Variants in APP observed in about 807,000 individuals in gnomAD.
APP encodes amyloid beta precursor protein, also known as amyloid-beta precursor protein.
In APP, 31 loss-of-function variants were observed where a neutral mutation model predicts 101.4. The ratio of observed to expected loss-of-function variants is 0.31; its 90% CI spans 0.23 to 0.41. The LOEUF (loss-of-function observed/expected upper bound fraction) is 0.41. APP is among the 10% of genes least tolerant of loss of function. The pLI, the probability that APP is intolerant of heterozygous loss-of-function variation, is 1.00. For synonymous variants in APP, 366 were observed against 364.4 expected, an observed-to-expected ratio of 1.00 and a Z score of -0.05; for missense variants, 839 against 1,003.7, an observed-to-expected ratio of 0.84 and a Z score of 2.22.
At chr21:26,114,459 C>T (rs1027679961) in intron 1 of APP, among the ~76,000 whole-genome samples, 4 of 152,142 alleles carry the variant, frequency 2.6e-5, no homozygotes, top group East Asian at 1.9e-4. Flanking sequence ...AAAGATGCTG[C>T]AACTCTTTTA....
intron 1 of APP, among the ~76,000 whole-genome samples, chr21:26,126,164 AG>A (rs2062679424): frequency 6.6e-6 from 1 of 152,244 alleles, no homozygotes; most frequent in Non-Finnish European, 1.5e-5. Context: ...AACTAAGAGA[AG>A]AACACAACTG....
intron 11 of APP, among the ~76,000 whole-genome samples, chr21:25,964,601 CTTTTCTTTTTT>C (rs2041714283): frequency 1.5e-5 from 2 of 132,430 alleles, no homozygotes; most frequent in African/African-American, 5.5e-5. Flanking sequence ...GACCTTTTTT[CTTTTCTTTTTT>C]TTTTTTTTTT....
chr21:25,994,132 G>C (rs74312634), intron 8 of APP, among the ~76,000 whole-genome samples: 1 of 151,908 alleles, frequency 6.6e-6, no homozygotes, highest in Admixed American at 6.5e-5. Context: ...GACAGCACCA[G>C]AAAAAATGGT....
intron 1 of APP, 35 bp downstream of exon 1, chr21:26,170,529 C>A: frequency 6.5e-7 from 1 of 1,534,704 alleles, no homozygotes; most frequent in Non-Finnish European, 8.7e-7. Context: ...CCCCACCGTG[C>A]AGCCTCCCCC....
chr21:26,108,973 A>G (rs916240857), intron 2 of APP, among the ~76,000 whole-genome samples: 1 of 152,226 alleles, frequency 6.6e-6, no homozygotes, highest in Non-Finnish European at 1.5e-5. Context: ...GCCCAAATCC[A>G]TTAAAATGGC....
chr21:25,973,964 A>AG (rs2042132461), intron 11 of APP, among the ~76,000 whole-genome samples: 1 of 149,910 alleles, frequency 6.7e-6, no homozygotes, highest in South Asian at 2.1e-4. Flanking sequence ...AAAAAAAAAA[A>AG]GAACAAGTGG....
At chr21:26,037,913 C>T (rs2045193501) in intron 5 of APP, among the ~76,000 whole-genome samples, 1 of 152,130 alleles carries the variant, frequency 6.6e-6, no homozygotes, top group Admixed American at 6.5e-5. Context: ...TATATCTTCT[C>T]TTACTTATTA....
rs143910533 is a variant in APP, at chr21:25,931,157, T to C, written c.1688-19195A>G. ...GAAGAAAAGATGGGCATAAAAATAA[T>C]TACTATTACAAGTGTTATGGTAGGG... On this transcript the variant is annotated intron_variant, in intron 13 of 17. Coordinates refer to ENST00000346798, the MANE Select transcript of APP (RefSeq NM_000484.4). Among the ~76,000 whole-genome samples the C allele has an allele frequency of 1.6e-3, 241 of 152,286 alleles. 1 individual carries two copies. Among genetic ancestry groups the C allele is most frequent in the African/African-American group, 5.6e-3 (231 of 41,548 alleles).
At chr21:26,132,049 G>A (rs2062808131) in intron 1 of APP, among the ~76,000 whole-genome samples, 2 of 151,736 alleles carry the variant, frequency 1.3e-5, no homozygotes, top group Non-Finnish European at 2.9e-5. Context: ...GGTTAATTTT[G>A]TAAACAGAGT....
At chr21:25,958,569 C>A (rs546847147) in intron 11 of APP, among the ~76,000 whole-genome samples, 3,078 of 95,786 alleles carry the variant, frequency 0.032, 116 homozygotes, top group African/African-American at 0.11. Flanking sequence ...GCGACCAGTG[C>A]ACGGCCAATT....
At chr21:26,015,423 T>G (rs1325553637) in intron 6 of APP, among the ~76,000 whole-genome samples, 1 of 152,192 alleles carries the variant, frequency 6.6e-6, no homozygotes, top group African/African-American at 2.4e-5. Flanking sequence ...AAAGAAGCAA[T>G]GAGGATTCAA....
rs1366532042 is a variant in APP at position 25,978,248 on chromosome 21, C to A, written c.1225-2220G>T. 3.3e-5 allele frequency among the ~76,000 whole-genome samples: 5 copies of A among 152,332 alleles called. No homozygotes were observed. In the East Asian group the frequency reaches 7.7e-4, roughly 23 times the overall value. ...CAAATAAACAAATCACCTGCACCAT[C>A]CCACTAAGACTCTACTGCAAATGAA... On this transcript the variant is annotated intron_variant, in intron 9 of 17. Coordinates refer to ENST00000346798, the MANE Select transcript of APP (RefSeq NM_000484.4).
At chr21:26,169,596 G>A (rs2063694811) in intron 1 of APP, among the ~76,000 whole-genome samples, 1 of 152,264 alleles carries the variant, frequency 6.6e-6, no homozygotes, top group Admixed American at 6.5e-5. Flanking sequence ...CCGAGGGTGG[G>A]AAGCAGAGGG....
chr21:26,149,514 A>T (rs1246271122), intron 1 of APP, among the ~76,000 whole-genome samples: 1 of 152,272 alleles, frequency 6.6e-6, no homozygotes, highest in East Asian at 1.9e-4. Flanking sequence ...AATAAATCAC[A>T]AACAATATGG....
chr21:26,162,604 C>G (rs1360855636), intron 1 of APP, among the ~76,000 whole-genome samples: 1 of 151,992 alleles, frequency 6.6e-6, no homozygotes, highest in Non-Finnish European at 1.5e-5. Context: ...TTAAACCTCT[C>G]ATTTTTCTTC....
In APP at chr21:26,136,914, TGA is replaced by T. The variant is rs543078601; in HGVS notation, c.58-24770_58-24769del. On this transcript the variant is annotated intron_variant, in intron 1 of 17. Transcript: ENST00000346798. The stretch of plus-strand genomic sequence containing the variant: ...TCCTTAGACCATTCGTCTTCCTTTT[TGA>T]GACAGTCTCAATGTCACCCAGGCTG... Among the ~76,000 whole-genome samples the T allele has an allele frequency of 4.6e-5, 7 of 152,340 alleles. No homozygotes were observed. In the South Asian group the frequency reaches 1.5e-3, roughly 32 times the overall value.
chr21:25,892,827 G>A (rs1359847818), intron 16 of APP, among the ~76,000 whole-genome samples: 1 of 152,074 alleles, frequency 6.6e-6, no homozygotes, highest in African/African-American at 2.4e-5. Flanking sequence ...TGTTATATAA[G>A]GAGTTGATCT....
chr21:25,974,778 C>G (rs1463610311), intron 11 of APP, among the ~76,000 whole-genome samples: 3 of 152,140 alleles, frequency 2.0e-5, no homozygotes, highest in Non-Finnish European at 4.4e-5. Context: ...TCAATTGTCA[C>G]CACCTCAGGA....
chr21:26,025,484 G>A lies in APP; in HGVS notation c.663-3442C>T, dbSNP rs1449066276. ...ACGATGTCCAAGTGTACCATCCAGG[G>A]TTTGGACAGCACCGTGTTTCCAGGT... On this transcript the variant is annotated intron_variant, in intron 5 of 17. Coordinates refer to ENST00000346798, the MANE Select transcript of APP (RefSeq NM_000484.4). Among the ~76,000 whole-genome samples the A allele has an allele frequency of 2.0e-5, 3 of 152,166 alleles. 1 individual carries two copies. Among genetic ancestry groups the A allele is most frequent in the Non-Finnish European group, 2.9e-5 (2 of 68,038 alleles).
Sources: gnomAD v4.1 joint callset for allele counts (sites outside exome capture counted in the v4.1 genomes callset) on GRCh38, gnomAD v4.1.1 for gene constraint, MANE v1.5 for transcripts, NCBI Gene and HGNC (gene_info 2026-07-23, HGNC 2026-07-21) for gene names.